Variants in SERPINE2 observed in about 807,000 individuals in gnomAD.
The protein encoded by SERPINE2 is serpin family E member 2, also known as glia-derived nexin.
Under a neutral mutation model 36.3 loss-of-function variants are expected in SERPINE2, and 14 were observed. That is an observed-to-expected ratio of 0.39 (90% CI 0.25 to 0.60). SERPINE2 has a LOEUF of 0.60. Ranked by LOEUF, SERPINE2 falls within the 20% of genes least tolerant of loss-of-function variation. The pLI, the probability that SERPINE2 is intolerant of heterozygous loss-of-function variation, is 0.57. For synonymous variants in SERPINE2, 192 were observed against 191.8 expected (o/e 1.00, Z -0.01); for missense variants, 418 against 499.6 (o/e 0.84, Z 1.56).
chr2:224,006,698 A>G (rs969822486), intron 1 of SERPINE2, among the ~76,000 whole-genome samples: 2 of 152,226 alleles, frequency 1.3e-5, no homozygotes, highest in South Asian at 4.1e-4. Context: ...CGTGGGACTA[A>G]TCCAGCAAGT....
chr2:224,000,390 G>C (rs1435182664), intron 2 of SERPINE2, among the ~76,000 whole-genome samples: 1 of 152,196 alleles, frequency 6.6e-6, no homozygotes. Context: ...AACAGTGCCA[G>C]AGGATGAAGC....
rs752463334 is a variant in SERPINE2, at chr2:223,991,844, T to C, written c.644A>G (p.Tyr215Cys). 8.1e-6 allele frequency: 13 copies of C among 1,613,604 alleles called. No homozygotes were observed. Among genetic ancestry groups the C allele is most frequent in the Middle Eastern group, 1.7e-4 (1 of 6,048 alleles). The change falls in exon 4 of 9, where the codon TAT becomes TGT. Residue 215 changes from tyrosine to cysteine, a missense_variant. Transcript: ENST00000409304. ...RTFVAADGKS[Y>C]QVPMLAQLSV... ...GAGCTGGGCCAGCATTGGCACTTGATAGGATTTCCCGTCGGCTGCCACGAA... is the reference window on the plus strand; with the variant it reads ...GAGCTGGGCCAGCATTGGCACTTGACAGGATTTCCCGTCGGCTGCCACGAA...
intron 4 of SERPINE2, among the ~76,000 whole-genome samples, chr2:223,990,683 A>G (rs1270895361): frequency 6.6e-6 from 1 of 152,248 alleles, no homozygotes; most frequent in Non-Finnish European, 1.5e-5. Context: ...AAGTGATTTT[A>G]GAAGTTCATT....
intron 1 of SERPINE2, 52 bp from the exon 2 acceptor site, chr2:224,001,974 C>A: frequency 5.6e-6 from 8 of 1,426,686 alleles, no homozygotes; most frequent in Admixed American, 2.3e-5. Flanking sequence ...GGGTACTTTA[C>A]TACTTTTTTT....
chr2:223,991,151 T>C (rs1402819909), intron 4 of SERPINE2, among the ~76,000 whole-genome samples: 2 of 152,222 alleles, frequency 1.3e-5, no homozygotes, highest in Non-Finnish European at 2.9e-5. Context: ...ATCAATCATA[T>C]ATTGCATAAT....
intron 7 of SERPINE2, chr2:223,979,517 A>G (rs1372708605): frequency 6.6e-6 from 1 of 152,246 alleles, no homozygotes; most frequent in African/African-American, 2.4e-5. Flanking sequence ...CTGCAAGTGT[A>G]GCTAAGATTT....
intron 4 of SERPINE2, among the ~76,000 whole-genome samples, chr2:223,987,033 A>G (rs10153617): frequency 0.98 from 149,001 of 152,240 alleles, 72,985 homozygotes; most frequent in African/African-American, 1. Flanking sequence ...CACGTGCCAA[A>G]GCCACGAGAT....
chr2:223,994,678 G>A (rs1255222864), intron 3 of SERPINE2, among the ~76,000 whole-genome samples: 1 of 152,210 alleles, frequency 6.6e-6, no homozygotes, highest in African/African-American at 2.4e-5. Flanking sequence ...GGCTATGGAG[G>A]GCTAAGAAGG....
chr2:224,021,626 G>A (rs1260465970), intron 1 of SERPINE2, among the ~76,000 whole-genome samples: 1 of 152,242 alleles, frequency 6.6e-6, no homozygotes, highest in Non-Finnish European at 1.5e-5. Flanking sequence ...GTAAGAGGAG[G>A]TGAAAATCAG....
intron 1 of SERPINE2, among the ~76,000 whole-genome samples, chr2:224,025,654 C>A (rs1692157798): frequency 6.6e-6 from 1 of 152,202 alleles, no homozygotes; most frequent in Non-Finnish European, 1.5e-5. Context: ...TGCCTGTCCT[C>A]AATTTGTGAG....
chr2:224,030,068 C>G, intron 1 of SERPINE2: 1 of 985,436 alleles, frequency 1.0e-6, no homozygotes, highest in Non-Finnish European at 1.2e-6. Flanking sequence ...CATGACAGGG[C>G]TACCTGCAAC....
In SERPINE2 at chr2:223,977,530, GGA is replaced by G. The variant is rs1329093408; in HGVS notation, c.1156+12_1156+13del. The G allele has an allele frequency of 6.5e-7, 1 of 1,542,272 alleles. No homozygotes were observed. Among genetic ancestry groups the G allele is most frequent in the Non-Finnish European group, 9.0e-7 (1 of 1,114,600 alleles). ...CTAACAGAGAGGGCATGATGGAAGAGGAGAGTCACTTACCTGTAGGATTATGT... is the reference window on the plus strand; with the variant it reads ...CTAACAGAGAGGGCATGATGGAAGAGGAGTCACTTACCTGTAGGATTATGT... On this transcript the variant is annotated intron_variant, in intron 8 of 8. Coordinates refer to ENST00000409304, the MANE Select transcript of SERPINE2 (RefSeq NM_001136528.2).
intron 2 of SERPINE2, among the ~76,000 whole-genome samples, chr2:223,998,572 C>A (rs1468791609): frequency 1.3e-5 from 2 of 151,974 alleles, no homozygotes; most frequent in African/African-American, 4.8e-5. Context: ...ACAAAATTAA[C>A]TGGGTGTGGT....
intron 1 of SERPINE2, among the ~76,000 whole-genome samples, chr2:224,012,314 C>T (rs186852126): frequency 9.2e-5 from 14 of 152,278 alleles, no homozygotes; most frequent in Admixed American, 2.0e-4. Flanking sequence ...TTAATGACAT[C>T]CATCCAACAC....
rs774985242 is a variant in SERPINE2, at chr2:224,001,902, G to T, written c.-2C>A. 6.2e-6 allele frequency: 10 copies of T among 1,610,728 alleles called. No individual in the cohort carries two copies. The highest frequency in any genetic ancestry group is 5.0e-5 in the Admixed American group (3 of 59,940). The stretch of plus-strand genomic sequence containing the variant: ...GAAGAGGGGGAGATGCCAGTTCATG[G>T]TTCCTTCCACCAAGGACGACCTGGA... On this transcript the variant is annotated 5_prime_UTR_variant, in exon 2 of 9. Transcript: ENST00000409304.
intron 1 of SERPINE2, chr2:224,010,317 G>A (rs1170709943): frequency 1.0e-6 from 1 of 984,032 alleles, no homozygotes. Flanking sequence ...TGGCCAAAAA[G>A]GAACCTAAAA....
chr2:224,018,850 C>T lies in SERPINE2; in HGVS notation c.-22-16928G>A, dbSNP rs145515009. 5.8e-3 allele frequency among the ~76,000 whole-genome samples: 890 copies of T among 152,312 alleles called. 11 individuals are homozygous for T. The highest frequency in any genetic ancestry group is 0.016 in the African/African-American group (660 of 41,574). On this transcript the variant is annotated intron_variant, in intron 1 of 8. Transcript: ENST00000409304. ...AGCTCTCCATTGTTTGAATGATCCA[C>T]CCCTCTCAAGCTCCTCTATCCCCAG... is the stretch of plus-strand genomic sequence containing the variant.
At chr2:223,992,967 A>G (rs944425470) in intron 3 of SERPINE2, among the ~76,000 whole-genome samples, 3 of 152,042 alleles carry the variant, frequency 2.0e-5, no homozygotes, top group African/African-American at 7.2e-5. Flanking sequence ...AAAATTAAAA[A>G]CATATTAGCC....
At chr2:223,988,312 G>C (rs777415456) in intron 4 of SERPINE2, among the ~76,000 whole-genome samples, 1 of 152,148 alleles carries the variant, frequency 6.6e-6, no homozygotes, top group Non-Finnish European at 1.5e-5. Context: ...GGGACCACAG[G>C]TGAGCACCAC....
Sources: gnomAD v4.1 joint callset for allele counts (sites outside exome capture counted in the v4.1 genomes callset) on GRCh38, gnomAD v4.1.1 for gene constraint, MANE v1.5 for transcripts, NCBI Gene and HGNC (gene_info 2026-07-23, HGNC 2026-07-21) for gene names.